Variants in CAP2 observed in about 807,000 individuals in gnomAD.
The protein encoded by CAP2 is adenylyl cyclase-associated protein 2.
Under a neutral mutation model 57.7 loss-of-function variants are expected in CAP2, and 24 were observed. That is an observed-to-expected ratio of 0.42 (90% CI 0.30 to 0.58). The LOEUF (loss-of-function observed/expected upper bound fraction) is 0.58. Ranked by LOEUF, CAP2 falls within the 20% of genes least tolerant of loss-of-function variation. The probability of loss-of-function intolerance (pLI) is 0.22; values close to 1 mark genes in which losing one functional copy is unlikely to be tolerated. For missense variants in CAP2, 501 were observed against 590.3 expected, an observed-to-expected ratio of 0.85 and a Z score of 1.57; for synonymous variants, 194 against 207.2, an observed-to-expected ratio of 0.94 and a Z score of 0.55.
chr6:17,544,476 C>A (rs1475102067), intron 11 of CAP2, among the ~76,000 whole-genome samples: 1 of 151,466 alleles, frequency 6.6e-6, no homozygotes, highest in Non-Finnish European at 1.5e-5. Flanking sequence ...TTTGATTTAG[C>A]CACATGGAAT....
intron 4 of CAP2, among the ~76,000 whole-genome samples, chr6:17,467,520 CTT>C (rs917484675): frequency 1.3e-5 from 2 of 152,070 alleles, no homozygotes; most frequent in African/African-American, 4.8e-5. Context: ...CAATTATACT[CTT>C]AACGTTTGTT....
chr6:17,504,624 A>G (rs1014979890), intron 4 of CAP2, among the ~76,000 whole-genome samples: 2 of 152,172 alleles, frequency 1.3e-5, no homozygotes, highest in African/African-American at 4.8e-5. Context: ...CGTATTCCAT[A>G]TGTAAAATAG....
chr6:17,548,920 T>A (rs1366313098), intron 11 of CAP2, among the ~76,000 whole-genome samples: 1 of 152,220 alleles, frequency 6.6e-6, no homozygotes, highest in African/African-American at 2.4e-5. Flanking sequence ...AATAAATACT[T>A]TTAAACTTTG....
chr6:17,490,267 G>C (rs1761513513), intron 4 of CAP2, among the ~76,000 whole-genome samples: 1 of 152,118 alleles, frequency 6.6e-6, no homozygotes. Context: ...AAGACTTCTT[G>C]TATTTGATTT....
chr6:17,458,503 G>A (rs1211824423), intron 3 of CAP2, among the ~76,000 whole-genome samples: 1 of 152,116 alleles, frequency 6.6e-6, no homozygotes, highest in Non-Finnish European at 1.5e-5. Flanking sequence ...CAAGAATAAG[G>A]TGTTCGTTCA....
chr6:17,541,712 T>C (rs570533906), intron 9 of CAP2, among the ~76,000 whole-genome samples: 3 of 131,420 alleles, frequency 2.3e-5, no homozygotes, highest in Admixed American at 7.7e-5. Flanking sequence ...AAGACAGTGT[T>C]GTTAACTATA....
chr6:17,522,188 C>T (rs374925383), intron 7 of CAP2, among the ~76,000 whole-genome samples: 17 of 152,274 alleles, frequency 1.1e-4, no homozygotes, highest in East Asian at 5.8e-4. Context: ...TCACAACCTA[C>T]TTTTCAACAG....
chr6:17,418,696 CT>C (rs1052103119), intron 1 of CAP2, among the ~76,000 whole-genome samples: 1 of 151,904 alleles, frequency 6.6e-6, no homozygotes, highest in African/African-American at 2.4e-5. Context: ...CAGGCTAGGT[CT>C]ATGGTGGTAA....
chr6:17,463,374 A>G (rs1760781591), intron 4 of CAP2, among the ~76,000 whole-genome samples: 1 of 152,106 alleles, frequency 6.6e-6, no homozygotes, highest in Admixed American at 6.5e-5. Flanking sequence ...TACTGTAACA[A>G]ATGGACATTA....
chr6:17,523,942 C>T (rs897851398), intron 7 of CAP2, among the ~76,000 whole-genome samples: 10 of 151,974 alleles, frequency 6.6e-5, no homozygotes, highest in East Asian at 1.9e-4. Flanking sequence ...GGCGTGGTGA[C>T]GCATGCCTGT....
intron 4 of CAP2, among the ~76,000 whole-genome samples, chr6:17,490,695 A>C (rs757648506): frequency 7.9e-5 from 12 of 152,168 alleles, no homozygotes; most frequent in Non-Finnish European, 1.5e-4. Flanking sequence ...AACAAACAGA[A>C]TGAGAGCCTT....
chr6:17,478,686 C>T (rs1182676860), intron 4 of CAP2, among the ~76,000 whole-genome samples: 3 of 152,142 alleles, frequency 2.0e-5, no homozygotes, highest in Non-Finnish European at 4.4e-5. Context: ...CTCTGTCCTC[C>T]TCTTTACTGC....
intron 12 of CAP2, among the ~76,000 whole-genome samples, chr6:17,553,382 C>G (rs955527540): frequency 6.6e-6 from 1 of 152,180 alleles, no homozygotes; most frequent in Admixed American, 6.5e-5. Context: ...CCTGTAAATG[C>G]CAGCACTTTG....
rs562191454 is a variant in CAP2, at chr6:17,496,027, T to TGGGG, written c.301-11133_301-11130dup. On this transcript the variant is annotated intron_variant, in intron 4 of 12. Transcript: ENST00000229922. ...CAACTGCTGTGCATGCGTGTGTGGGTGGGGGGGGGGGGTAAGTCAGGGAAA... is the reference window on the plus strand; with the variant it reads ...CAACTGCTGTGCATGCGTGTGTGGGTGGGGGGGGGGGGGGGGTAAGTCAGGGAAA... Among the ~76,000 whole-genome samples the TGGGG allele has an allele frequency of 9.9e-4, 44 of 44,328 alleles. 1 individual carries two copies. Among genetic ancestry groups the TGGGG allele is most frequent in the Non-Finnish European group, 1.3e-3 (35 of 26,174 alleles). 29.1% of individuals were successfully genotyped at this position (44,328 alleles called of 152,430 possible).
chr6:17,396,696 T>C (rs1445568424), intron 1 of CAP2, among the ~76,000 whole-genome samples: 1 of 152,206 alleles, frequency 6.6e-6, no homozygotes, highest in Non-Finnish European at 1.5e-5. Context: ...ACAGGGTTTC[T>C]TTTTGAGGTG....
intron 4 of CAP2, among the ~76,000 whole-genome samples, chr6:17,498,995 C>T (rs943283823): frequency 1.3e-5 from 2 of 151,918 alleles, no homozygotes; most frequent in Non-Finnish European, 2.9e-5. Flanking sequence ...TCCCAAAGTG[C>T]TGTGATTACA....
At chr6:17,545,258 T>C (rs1474662083) in intron 11 of CAP2, among the ~76,000 whole-genome samples, 1 of 152,164 alleles carries the variant, frequency 6.6e-6, no homozygotes, top group East Asian at 1.9e-4. Flanking sequence ...AGAGAGTTTA[T>C]TTCAAGCTCC....
chr6:17,486,433 G>T (rs1473071229), intron 4 of CAP2, among the ~76,000 whole-genome samples: 1 of 150,140 alleles, frequency 6.7e-6, no homozygotes, highest in Non-Finnish European at 1.5e-5. Context: ...ACAAAACCCT[G>T]TCTCTACTAA....
At chr6:17,488,696 A>G (rs946071558) in intron 4 of CAP2, among the ~76,000 whole-genome samples, 2 of 152,212 alleles carry the variant, frequency 1.3e-5, no homozygotes, top group Non-Finnish European at 1.5e-5. Context: ...ATTAGCATCT[A>G]TCTTTGTGGA....
Sources: gnomAD v4.1 joint callset for allele counts (sites outside exome capture counted in the v4.1 genomes callset) on GRCh38, gnomAD v4.1.1 for gene constraint, MANE v1.5 for transcripts, NCBI Gene and HGNC (gene_info 2026-07-23, HGNC 2026-07-21) for gene names.